The following VAT1L variants were observed in gnomAD, a reference collection of about 807,000 sequenced individuals.
VAT1L encodes putative NADPH-dependent quinone oxidoreductase VAT1L.
VAT1L carries 34 observed loss-of-function variants against 44.1 expected under a neutral mutation model. That is an observed-to-expected ratio of 0.77 (90% confidence interval 0.59 to 1.03). VAT1L has a LOEUF of 1.03. Ranked by LOEUF, VAT1L falls within the 50% of genes least tolerant of loss-of-function variation. VAT1L has a pLI of 0.00. For missense variants in VAT1L, 615 were observed against 538.8 expected (o/e 1.14, Z -1.40); for synonymous variants, 253 against 202.2 (o/e 1.25, Z -2.13).
intron 5 of VAT1L, among the ~76,000 whole-genome samples, chr16:77,877,499 C>T (rs111982368): frequency 0.022 from 2,530 of 115,784 alleles, 83 homozygotes; most frequent in African/African-American, 0.078. Flanking sequence ...GGCGACAGAG[C>T]GGGACTCTGT....
chr16:77,804,671 G>A (rs1358536649), intron 1 of VAT1L, among the ~76,000 whole-genome samples: 1 of 152,060 alleles, frequency 6.6e-6, no homozygotes, highest in Non-Finnish European at 1.5e-5. Flanking sequence ...GGGATTCTAC[G>A]CTTTCCCCTC....
At chr16:77,789,031 C>G (rs538203657) in intron 1 of VAT1L, 116 bp downstream of exon 1, 2 of 1,266,848 alleles carry the variant, frequency 1.6e-6, no homozygotes, top group African/African-American at 1.6e-5. Flanking sequence ...CGCACCCCCT[C>G]CGCGCCCTCA....
intron 7 of VAT1L, among the ~76,000 whole-genome samples, chr16:77,910,673 C>CAAAAAAAA (rs3038773): frequency 2.9e-4 from 24 of 82,936 alleles, no homozygotes; most frequent in African/African-American, 3.7e-4. Context: ...GACTCCTTCT[C>CAAAAAAAA]AAAAAAAAAA....
chr16:77,806,589 C>T (rs190484669), intron 1 of VAT1L, among the ~76,000 whole-genome samples: 285 of 151,606 alleles, frequency 1.9e-3, no homozygotes, highest in African/African-American at 6.6e-3. Context: ...GTGATCTGCC[C>T]GCCTCGGCCT....
chr16:77,841,874 G>T (rs547920400), intron 3 of VAT1L, among the ~76,000 whole-genome samples: 1 of 151,562 alleles, frequency 6.6e-6, no homozygotes, highest in Admixed American at 6.6e-5. Context: ...AAGCTACCAA[G>T]GGCTTTCTTT....
intron 8 of VAT1L, among the ~76,000 whole-genome samples, chr16:77,976,262 G>A (rs1349475007): frequency 6.6e-6 from 1 of 152,238 alleles, no homozygotes; most frequent in Non-Finnish European, 1.5e-5. Context: ...CTCTTGATCA[G>A]TGCTACAAAG....
At chr16:77,836,036 G>T (rs66978802) in intron 3 of VAT1L, among the ~76,000 whole-genome samples, 19,892 of 152,108 alleles carry the variant, frequency 0.13, 1,751 homozygotes, top group Non-Finnish European at 0.2. Flanking sequence ...TTCTTCATCT[G>T]TATAGTGGAG....
intron 7 of VAT1L, among the ~76,000 whole-genome samples, chr16:77,954,900 A>G (rs1214731154): frequency 6.6e-6 from 1 of 152,192 alleles, no homozygotes; most frequent in East Asian, 1.9e-4. Flanking sequence ...AACATATGCG[A>G]TTTTTTACTT....
chr16:77,817,818 G>A (rs2016381847), intron 2 of VAT1L, among the ~76,000 whole-genome samples: 1 of 152,286 alleles, frequency 6.6e-6, no homozygotes, highest in Non-Finnish European at 1.5e-5. Context: ...CAAAATTGCA[G>A]TAGTTTGGAG....
intron 1 of VAT1L, among the ~76,000 whole-genome samples, chr16:77,803,097 A>G (rs1238795485): frequency 1.3e-5 from 2 of 152,202 alleles, no homozygotes; most frequent in African/African-American, 2.4e-5. Context: ...AGCACTGAAC[A>G]TTGAAAGGTG....
At chr16:77,857,117 C>G (rs1009952167) in intron 3 of VAT1L, among the ~76,000 whole-genome samples, 1 of 152,184 alleles carries the variant, frequency 6.6e-6, no homozygotes, top group Non-Finnish European at 1.5e-5. Flanking sequence ...GTGCAGAATT[C>G]TTACGTTCAA....
chr16:77,789,649 C>A (rs2015797051), intron 1 of VAT1L, among the ~76,000 whole-genome samples: 1 of 152,010 alleles, frequency 6.6e-6, no homozygotes, highest in Non-Finnish European at 1.5e-5. Flanking sequence ...AGGGCTGCAG[C>A]GCAACCCCCT....
intron 7 of VAT1L, among the ~76,000 whole-genome samples, chr16:77,919,357 A>G: frequency 6.6e-6 from 1 of 152,256 alleles, no homozygotes; most frequent in African/African-American, 2.4e-5. Flanking sequence ...TTGAAACAAA[A>G]CATTCTCCAA....
At chr16:77,946,755 G>C (rs959761764) in intron 7 of VAT1L, among the ~76,000 whole-genome samples, 1 of 152,140 alleles carries the variant, frequency 6.6e-6, no homozygotes, top group Non-Finnish European at 1.5e-5. Flanking sequence ...CCAAACTCTT[G>C]GTTATGGAGA....
At chr16:77,792,764 C>T (rs1297420555) in intron 1 of VAT1L, among the ~76,000 whole-genome samples, 2 of 152,084 alleles carry the variant, frequency 1.3e-5, no homozygotes, top group African/African-American at 2.4e-5. Context: ...TGGCCTTGGC[C>T]ATGTTGTTGT....
At chr16:77,818,563 A>G (rs2966051) in intron 2 of VAT1L, among the ~76,000 whole-genome samples, 101,035 of 152,072 alleles carry the variant, frequency 0.66, 33,774 homozygotes, top group East Asian at 0.71. Context: ...CGTTAACCCC[A>G]AGCATTGAAT....
chr16:77,941,841 G>T (rs887196712), intron 7 of VAT1L, among the ~76,000 whole-genome samples: 2 of 151,966 alleles, frequency 1.3e-5, no homozygotes, highest in East Asian at 3.9e-4. Flanking sequence ...CACCTGCCTC[G>T]GCCTCCCAGA....
intron 1 of VAT1L, chr16:77,801,774 C>G (rs2914449): frequency 6.6e-6 from 1 of 151,294 alleles, no homozygotes; most frequent in Non-Finnish European, 1.5e-5. Context: ...TTTCATTTAT[C>G]TACGCTACGC....
intron 7 of VAT1L, among the ~76,000 whole-genome samples, chr16:77,935,454 C>A (rs2017782753): frequency 6.7e-6 from 1 of 150,206 alleles, no homozygotes; most frequent in Non-Finnish European, 1.5e-5. Context: ...TTAGCACAAG[C>A]CTTGTGCTCA....
Sources: allele counts gnomAD v4.1 joint callset (sites outside exome capture counted in the v4.1 genomes callset), GRCh38; gene constraint gnomAD v4.1.1; transcripts MANE v1.5; gene names NCBI Gene and HGNC (gene_info 2026-07-23, HGNC 2026-07-21).